Variants in LRRC4C observed in about 807,000 individuals in gnomAD.
LRRC4C encodes the protein leucine rich repeat containing 4C.
Under a neutral mutation model 33.6 loss-of-function variants are expected in LRRC4C, and 5 were observed. The ratio of observed to expected loss-of-function variants is 0.15; its 90% CI spans 0.08 to 0.31. LRRC4C has a LOEUF of 0.31. Among genes scored for constraint, LRRC4C ranks in the 10% least tolerant of loss-of-function variants. The probability of loss-of-function intolerance (pLI) is 1.00; values close to 1 mark genes in which losing one functional copy is unlikely to be tolerated. For missense variants in LRRC4C, 560 were observed against 796.7 expected (o/e 0.70, Z 3.58); for synonymous variants, 329 against 302.0 (o/e 1.09, Z -0.93).
intron 1 of LRRC4C, among the ~76,000 whole-genome samples, chr11:41,411,716 G>A (rs1056913517): frequency 2.0e-5 from 3 of 152,198 alleles, no homozygotes; most frequent in Non-Finnish European, 4.4e-5. Flanking sequence ...GCCACTGTCT[G>A]TGTGAAGTTT....
In LRRC4C at chr11:41,139,672, GT is replaced by G. The variant is rs768592613; in HGVS notation, c.-495-205950del. On this transcript the variant is annotated intron_variant, in intron 1 of 6. Coordinates refer to ENST00000528697, the MANE Select transcript of LRRC4C (RefSeq NM_001258419.2). ...TCCTCAAGTTCATCCAGGAAATGCT[GT>G]GGGTCAGAGTGAAGCCTTAGGTTAA... Among the ~76,000 whole-genome samples, 23 of 151,256 alleles carry G rather than the reference GT, an allele frequency of 1.5e-4. No homozygotes were observed. The East Asian group carries it at 3.9e-3, about 26-fold the overall frequency.
chr11:40,916,423 C>A (rs1274605450), intron 2 of LRRC4C, among the ~76,000 whole-genome samples: 1 of 152,118 alleles, frequency 6.6e-6, no homozygotes, highest in African/African-American at 2.4e-5. Context: ...TGGAACCCAT[C>A]ATTCTCAGCA....
chr11:41,394,285 AT>A (rs1345338047), intron 1 of LRRC4C, among the ~76,000 whole-genome samples: 4 of 151,954 alleles, frequency 2.6e-5, no homozygotes, highest in Admixed American at 2.0e-4. Flanking sequence ...AATCTACAAA[AT>A]GGACTCTTCC....
At chr11:40,124,875 A>T (rs192096325) in intron 6 of LRRC4C, among the ~76,000 whole-genome samples, 118 of 152,262 alleles carry the variant, frequency 7.7e-4, no homozygotes, top group Non-Finnish European at 1.4e-3. Context: ...TAATGTGATT[A>T]TTACGCATTG....
chr11:40,553,755 C>T (rs1268931704), intron 3 of LRRC4C, among the ~76,000 whole-genome samples: 1 of 151,952 alleles, frequency 6.6e-6, no homozygotes, highest in African/African-American at 2.4e-5. Context: ...CCGTTTATGT[C>T]CTTTGCTCAC....
chr11:40,624,868 C>T (rs1395809843), intron 3 of LRRC4C, among the ~76,000 whole-genome samples: 1 of 152,010 alleles, frequency 6.6e-6, no homozygotes, highest in Non-Finnish European at 1.5e-5. Context: ...ACTTCAAGTC[C>T]AGTGTTTTCC....
chr11:40,431,116 T>A (rs1043525043), intron 3 of LRRC4C, among the ~76,000 whole-genome samples: 45 of 80,890 alleles, frequency 5.6e-4, no homozygotes, highest in South Asian at 1.5e-3. Flanking sequence ...AAAAAAAAAA[T>A]AAATTAAGCA....
intron 1 of LRRC4C, among the ~76,000 whole-genome samples, chr11:41,132,551 G>A (rs1007194696): frequency 1.3e-5 from 2 of 151,996 alleles, no homozygotes; most frequent in Non-Finnish European, 2.9e-5. Context: ...TAAAAAGCAA[G>A]ATACCAAACT....
intron 5 of LRRC4C, among the ~76,000 whole-genome samples, chr11:40,221,243 A>T (rs1864392872): frequency 6.6e-6 from 1 of 152,122 alleles, no homozygotes; most frequent in Non-Finnish European, 1.5e-5. Flanking sequence ...TGGCATTCAC[A>T]TGTTCAACTG....
chr11:41,287,158 C>T (rs985778079), intron 1 of LRRC4C, among the ~76,000 whole-genome samples: 1 of 152,060 alleles, frequency 6.6e-6, no homozygotes, highest in Non-Finnish European at 1.5e-5. Flanking sequence ...TAATATAAGC[C>T]ACTGTCTCTT....
intron 2 of LRRC4C, among the ~76,000 whole-genome samples, chr11:40,895,807 AG>A (rs1295387394): frequency 6.6e-6 from 1 of 152,184 alleles, no homozygotes; most frequent in Non-Finnish European, 1.5e-5. Flanking sequence ...GCTAATAATT[AG>A]GTCCAAAGAG....
chr11:40,369,782 CAT>C (rs1022873318), intron 3 of LRRC4C, among the ~76,000 whole-genome samples: 1 of 152,160 alleles, frequency 6.6e-6, no homozygotes. Context: ...TGGTACCTGA[CAT>C]GTCATTTTTT....
At chr11:40,133,571 G>A (rs933743599) in intron 6 of LRRC4C, among the ~76,000 whole-genome samples, 1 of 152,058 alleles carries the variant, frequency 6.6e-6, no homozygotes, top group Non-Finnish European at 1.5e-5. Flanking sequence ...ATTCTCTAAC[G>A]CTATACCTAC....
At chr11:41,273,627 T>G (rs755846107) in intron 1 of LRRC4C, among the ~76,000 whole-genome samples, 11 of 152,182 alleles carry the variant, frequency 7.2e-5, no homozygotes, top group Non-Finnish European at 1.5e-4. Context: ...TCAGTGAATA[T>G]TCATTTTCAG....
chr11:40,397,267 T>C (rs1298802669), intron 3 of LRRC4C, among the ~76,000 whole-genome samples: 1 of 152,028 alleles, frequency 6.6e-6, no homozygotes, highest in African/African-American at 2.4e-5. Context: ...TTTGACGAAG[T>C]AGAGAAAAAT....
chr11:40,453,254 T>G (rs887476090), intron 3 of LRRC4C, among the ~76,000 whole-genome samples: 1 of 152,212 alleles, frequency 6.6e-6, no homozygotes, highest in African/African-American at 2.4e-5. Flanking sequence ...TTAACTTTTC[T>G]GAGTTTCATT....
At chr11:40,889,462 T>G (rs1346837361) in intron 2 of LRRC4C, among the ~76,000 whole-genome samples, 1 of 152,122 alleles carries the variant, frequency 6.6e-6, no homozygotes, top group Non-Finnish European at 1.5e-5. Context: ...CTCATGTATA[T>G]TTTGTATACC....
At chr11:40,355,689 A>G (rs1040232016) in intron 3 of LRRC4C, among the ~76,000 whole-genome samples, 3 of 152,014 alleles carry the variant, frequency 2.0e-5, no homozygotes, top group African/African-American at 7.3e-5. Flanking sequence ...TGTGCTGCTG[A>G]GGGATGGTGG....
intron 2 of LRRC4C, among the ~76,000 whole-genome samples, chr11:40,868,048 T>C (rs780818138): frequency 3.3e-5 from 5 of 152,170 alleles, no homozygotes; most frequent in African/African-American, 7.2e-5. Flanking sequence ...TCCAGAATTT[T>C]TATACACGTA....
Sources: gnomAD v4.1 joint callset for allele counts (sites outside exome capture counted in the v4.1 genomes callset) on GRCh38, gnomAD v4.1.1 for gene constraint, MANE v1.5 for transcripts, NCBI Gene and HGNC (gene_info 2026-07-23, HGNC 2026-07-21) for gene names.